Variants in ZNF600 observed in about 807,000 individuals in gnomAD.
ZNF600 encodes zinc finger protein 600, also known as zinc finger protein KR-ZNF1.
A neutral mutation model predicts 7.3 loss-of-function variants in ZNF600; 4 were observed. The observed-to-expected ratio is 0.55, with a 90% CI of 0.27 to 1.25. The LOEUF is 1.25. Ranked by LOEUF, ZNF600 falls within the 50% of genes most tolerant of loss-of-function variation. The pLI is 0.12. For synonymous variants in ZNF600, 290 were observed against 308.9 expected (o/e 0.94, Z 0.64); for missense variants, 911 against 922.1 (o/e 0.99, Z 0.16).
chr19:52,830,032 G>C, the ZNF600 span, among the ~76,000 whole-genome samples: 1 of 152,146 alleles, frequency 6.6e-6, no homozygotes, highest in Admixed American at 6.5e-5. Flanking sequence ...CCAACACTTT[G>C]GAAGACCGCA....
chr19:52,779,400 A>G (rs1162647332), intron 1 of ZNF600, among the ~76,000 whole-genome samples: 1 of 152,240 alleles, frequency 6.6e-6, no homozygotes, highest in East Asian at 1.9e-4. Context: ...AAATGCCTCT[A>G]GACTCTAATG....
At chr19:52,767,658 C>A in exon 4 of ZNF600, 1 of 1,614,044 alleles carries the variant, frequency 6.2e-7, no homozygotes, top group Non-Finnish European at 8.5e-7. Context: ...TTCCTGGAAG[C>A]AAAAATCTCC....
At chr19:52,793,811 CACACACA>C in the ZNF600 span, among the ~76,000 whole-genome samples, 1 of 111,900 alleles carries the variant, frequency 8.9e-6, no homozygotes, top group Non-Finnish European at 1.9e-5. Context: ...CACACACACA[CACACACA>C]AAAGTGATGT....
At chr19:52,817,005 C>T in the ZNF600 span, among the ~76,000 whole-genome samples, 5 of 152,120 alleles carry the variant, frequency 3.3e-5, no homozygotes, top group East Asian at 1.9e-4. Context: ...CCATAGTCTC[C>T]GTGAGCTCGA....
chr19:52,776,193 T>C (rs1456827627), intron 2 of ZNF600, among the ~76,000 whole-genome samples: 1 of 150,888 alleles, frequency 6.6e-6, no homozygotes, highest in African/African-American at 2.4e-5. Context: ...TTACCACAAA[T>C]CAAATAGCTA....
the ZNF600 span, among the ~76,000 whole-genome samples, chr19:52,795,551 T>G: frequency 2.0e-5 from 3 of 152,230 alleles, no homozygotes; most frequent in South Asian, 6.2e-4. Context: ...AAAGCTTATT[T>G]GAGAAGCAGT....
chr19:52,767,355 T>C, exon 4 of ZNF600: 2 of 1,614,074 alleles, frequency 1.2e-6, no homozygotes, highest in South Asian at 2.2e-5. Context: ...ATTAGAAATA[T>C]GGATTTGGGG....
the ZNF600 span, chr19:52,810,508 G>A: frequency 6.3e-7 from 1 of 1,588,682 alleles, no homozygotes; most frequent in South Asian, 1.1e-5. Flanking sequence ...TTAGAGGAAG[G>A]CAAATCAAGG....
At chr19:52,827,567 T>C in the ZNF600 span, among the ~76,000 whole-genome samples, 2 of 151,812 alleles carry the variant, frequency 1.3e-5, no homozygotes, top group Non-Finnish European at 2.9e-5. Flanking sequence ...CACTGAGTTA[T>C]AGAAGAAGGA....
intron 1 of ZNF600, among the ~76,000 whole-genome samples, chr19:52,785,676 T>C (rs935030920): frequency 3.9e-5 from 6 of 152,250 alleles, no homozygotes; most frequent in Middle Eastern, 3.4e-3. Flanking sequence ...TTCCCTGTTA[T>C]ACCCCTCTGT....
At chr19:52,767,873 T>C in intron 3 of ZNF600, 101 bp from the exon 6 acceptor site, 1 of 1,424,862 alleles carries the variant, frequency 7.0e-7, no homozygotes, top group Non-Finnish European at 9.3e-7. Flanking sequence ...ATTTTGAACT[T>C]CCCAAATATC....
chr19:52,801,042 T>C, the ZNF600 span: 7 of 1,614,196 alleles, frequency 4.3e-6, no homozygotes, highest in Non-Finnish European at 5.9e-6. Context: ...GTAAGGTTTC[T>C]CATCAATGTG....
exon 4 of ZNF600, chr19:52,765,391 G>C (rs1410403046): frequency 6.9e-5 from 62 of 893,610 alleles, no homozygotes; most frequent in Non-Finnish European, 1.1e-4. Flanking sequence ...GATGAAGCTT[G>C]ACTGAAGACC....
At chr19:52,810,281 TGAG>T in the ZNF600 span, 17 of 1,460,350 alleles carry the variant, frequency 1.2e-5, no homozygotes, top group South Asian at 1.1e-5. Context: ...TCACGTCCAT[TGAG>T]GAGAAGATGG....
intron 3 of ZNF600, among the ~76,000 whole-genome samples, chr19:52,768,946 C>T (rs899832656): frequency 2.0e-5 from 3 of 152,100 alleles, no homozygotes; most frequent in African/African-American, 4.8e-5. Context: ...CTAAGAAAAG[C>T]CAGGCCATAC....
intron 1 of ZNF600, among the ~76,000 whole-genome samples, chr19:52,782,413 C>A (rs143571948): frequency 3.1e-3 from 465 of 150,770 alleles, no homozygotes; most frequent in African/African-American, 0.01. Context: ...ATCATAACTA[C>A]TCAGGAGGCT....
upstream of ZNF600, among the ~76,000 whole-genome samples, chr19:52,791,146 T>C (rs546271441): frequency 1.3e-5 from 2 of 152,376 alleles, no homozygotes; most frequent in Admixed American, 6.5e-5. Context: ...ATGTTTCATA[T>C]GTGGTTTCTC....
intron 3 of ZNF600, among the ~76,000 whole-genome samples, chr19:52,774,134 A>G (rs2062652727): frequency 6.6e-6 from 1 of 152,104 alleles, no homozygotes; most frequent in South Asian, 2.1e-4. Context: ...AGCCTTAAAA[A>G]CAAACTTGGA....
chr19:52,778,882 A>G (rs1053935170), exon 2 of ZNF600: 30 of 1,604,646 alleles, frequency 1.9e-5, no homozygotes, highest in Admixed American at 8.5e-5. Flanking sequence ...GCTTCTTCAC[A>G]TAACATGAGT....
Sources: gnomAD v4.1 joint callset for allele counts (sites outside exome capture counted in the v4.1 genomes callset) on GRCh38, gnomAD v4.1.1 for gene constraint, MANE v1.5 for transcripts, NCBI Gene and HGNC (gene_info 2026-07-23, HGNC 2026-07-21) for gene names.